CLMN: variants seen among roughly 807,000 people sequenced by gnomAD.
The protein encoded by CLMN is calmin.
A neutral mutation model predicts 92.7 loss-of-function variants in CLMN; 57 were observed. The observed-to-expected ratio is 0.61, with a 90% CI of 0.50 to 0.77. The LOEUF (loss-of-function observed/expected upper bound fraction) is 0.77, where lower values mean the gene tolerates loss of function less well. CLMN is among the 30% of genes least tolerant of loss of function. The pLI, the probability that CLMN is intolerant of heterozygous loss-of-function variation, is 0.00. For synonymous variants in CLMN, 466 were observed against 470.6 expected, an observed-to-expected ratio of 0.99 and a Z score of 0.13; for missense variants, 1,158 against 1,237.5, an observed-to-expected ratio of 0.94 and a Z score of 0.96.
intron 6 of CLMN, among the ~76,000 whole-genome samples, chr14:95,211,088 A>G (rs561763485): frequency 1.1e-4 from 17 of 152,326 alleles, no homozygotes; most frequent in African/African-American, 3.6e-4. Context: ...GAGGGTATAC[A>G]CTGAACAAAG....
intron 1 of CLMN, among the ~76,000 whole-genome samples, chr14:95,293,117 T>TTCCCTCCTTCCC (rs534995606): frequency 1.3e-4 from 9 of 69,260 alleles, no homozygotes; most frequent in African/African-American, 5.2e-4. Flanking sequence ...CTCCCCTCCC[T>TTCCCTCCTTCCC]TCCCTCCTTC....
chr14:95,271,773 T>G (rs948142653), intron 1 of CLMN, among the ~76,000 whole-genome samples: 13 of 152,214 alleles, frequency 8.5e-5, no homozygotes, highest in Admixed American at 7.9e-4. Context: ...TACAGAACAT[T>G]TGCATCACCC....
At chr14:95,279,328 C>G (rs1270958273) in intron 1 of CLMN, among the ~76,000 whole-genome samples, 1 of 152,348 alleles carries the variant, frequency 6.6e-6, no homozygotes, top group East Asian at 1.9e-4. Context: ...TAAACTGCTT[C>G]TATGACTTGA....
rs1473434456 is a variant in CLMN at position 95,191,767 on chromosome 14, A to G, written c.2841-35T>C. On this transcript the variant is annotated intron_variant, in intron 12 of 12. Transcript: ENST00000298912. This position sits in a 1 kb window ranked among gnomAD's most constrained non-coding sequence, Gnocchi z 5.3. ...AAACACAGAGGAAACGCAGTTACCA[A>G]GCAGGTTCCCAGGAAAGTGGACCCC... The G allele has an allele frequency of 6.4e-7, 1 of 1,572,008 alleles. No individual in the cohort carries two copies. The highest frequency in any genetic ancestry group is 1.8e-5 in the Admixed American group (1 of 55,460).
intron 1 of CLMN, among the ~76,000 whole-genome samples, chr14:95,232,324 C>T (rs1000539752): frequency 5.9e-5 from 9 of 152,242 alleles, no homozygotes; most frequent in African/African-American, 2.2e-4. Flanking sequence ...GACCATATCA[C>T]ATATGCCTAA....
chr14:95,239,381 G>A (rs974508869), intron 1 of CLMN, among the ~76,000 whole-genome samples: 3 of 152,188 alleles, frequency 2.0e-5, no homozygotes, highest in African/African-American at 7.2e-5. Context: ...GGGAGGGAAG[G>A]AAGGAAAGAT....
intron 8 of CLMN, among the ~76,000 whole-genome samples, chr14:95,206,464 CT>C (rs1198430915): frequency 1.3e-5 from 2 of 152,156 alleles, no homozygotes; most frequent in Non-Finnish European, 2.9e-5. Flanking sequence ...AAGACCCGTT[CT>C]TTTCAAATGC....
In CLMN at chr14:95,194,039, AC is replaced by A; in HGVS notation, c.2770-121del. Reference sequence around the variant, plus strand: ...CCGAGCATGCCGGGCATTTCTCAATACCGCCAGCGTCTAGATCCAAAATCAA... The same window carrying A: ...CCGAGCATGCCGGGCATTTCTCAATACGCCAGCGTCTAGATCCAAAATCAA... On this transcript the variant is annotated intron_variant, in intron 11 of 12. Transcript: ENST00000298912. The surrounding 1 kb of genome is among the most constrained non-coding windows in gnomAD (Gnocchi z 4.0). 8.7e-6 allele frequency: 13 copies of A among 1,498,620 alleles called. No homozygotes were observed. The highest frequency in any genetic ancestry group is 1.2e-5 in the Non-Finnish European group (13 of 1,127,980). 92.8% of individuals were successfully genotyped at this position (1,498,620 alleles called of 1,614,324 possible).
chr14:95,241,225 A>G (rs1391264062), intron 1 of CLMN, among the ~76,000 whole-genome samples: 1 of 152,072 alleles, frequency 6.6e-6, no homozygotes, highest in Non-Finnish European at 1.5e-5. Context: ...CTGGGAGATG[A>G]TCTAGTATTA....
chr14:95,299,513 G>A (rs1390286233), intron 1 of CLMN, among the ~76,000 whole-genome samples: 1 of 152,206 alleles, frequency 6.6e-6, no homozygotes, highest in Non-Finnish European at 1.5e-5. Context: ...ACAGGAGGAT[G>A]AGAGCAGGGC....
intron 2 of CLMN, among the ~76,000 whole-genome samples, chr14:95,229,427 A>G (rs1050616682): frequency 5.8e-4 from 88 of 152,320 alleles, no homozygotes; most frequent in African/African-American, 2.1e-3. Flanking sequence ...CAAGAAGAGA[A>G]AGAAACAGAG....
chr14:95,264,368 C>T (rs954503767), intron 1 of CLMN, among the ~76,000 whole-genome samples: 1 of 152,138 alleles, frequency 6.6e-6, no homozygotes, highest in Non-Finnish European at 1.5e-5. Context: ...CTCAGCCAGC[C>T]TTGTGACCTC....
intron 1 of CLMN, chr14:95,296,153 TC>T (rs1338961075): frequency 6.6e-6 from 1 of 152,218 alleles, no homozygotes; most frequent in Non-Finnish European, 1.5e-5. Flanking sequence ...GGCTGGGCAG[TC>T]CAAGAACACA....
intron 7 of CLMN, among the ~76,000 whole-genome samples, chr14:95,210,395 G>GC (rs1233521661): frequency 6.6e-6 from 1 of 151,952 alleles, no homozygotes; most frequent in Non-Finnish European, 1.5e-5. Flanking sequence ...TTATTATGCA[G>GC]CCAATAAAAA....
chr14:95,274,947 T>C (rs1469794995), intron 1 of CLMN, among the ~76,000 whole-genome samples: 1 of 138,638 alleles, frequency 7.2e-6, no homozygotes, highest in African/African-American at 2.8e-5. Context: ...ACCACTGCAC[T>C]CCAGCCTGAC....
intron 1 of CLMN, among the ~76,000 whole-genome samples, chr14:95,291,501 G>A (rs566107458): frequency 3.3e-5 from 5 of 152,316 alleles, no homozygotes; most frequent in South Asian, 2.1e-4. Flanking sequence ...TTGCAGGTGC[G>A]GCTGGGGATT....
intron 6 of CLMN, among the ~76,000 whole-genome samples, chr14:95,212,277 C>T (rs921142898): frequency 6.6e-6 from 1 of 152,172 alleles, no homozygotes; most frequent in Non-Finnish European, 1.5e-5. Context: ...ATACTATTTG[C>T]AGTTGGGGCT....
intron 4 of CLMN, among the ~76,000 whole-genome samples, chr14:95,216,001 T>C (rs529963437): frequency 6.6e-6 from 1 of 152,332 alleles, no homozygotes; most frequent in South Asian, 2.1e-4. Context: ...ACTCAGTTTA[T>C]TCTCACAATA....
At chr14:95,293,989 C>T (rs2140765712) in intron 1 of CLMN, among the ~76,000 whole-genome samples, 1 of 151,858 alleles carries the variant, frequency 6.6e-6, no homozygotes, top group South Asian at 2.1e-4. Context: ...AAGGTGCCAG[C>T]CCCACTGCCT....
Sources: gnomAD v4.1 joint callset for allele counts (sites outside exome capture counted in the v4.1 genomes callset) on GRCh38, gnomAD v4.1.1 for gene constraint, Gnocchi (gnomAD v3.1) non-coding constraint, MANE v1.5 for transcripts, NCBI Gene and HGNC (gene_info 2026-07-23, HGNC 2026-07-21) for gene names.